Variants in SMAP1 observed in about 807,000 individuals in gnomAD.
SMAP1 encodes stromal membrane-associated protein 1.
Under a neutral mutation model 58.5 loss-of-function variants are expected in SMAP1, and 24 were observed. The ratio of observed to expected loss-of-function variants is 0.41; its 90% CI spans 0.30 to 0.58. The LOEUF is 0.58. SMAP1 is among the 20% of genes least tolerant of loss of function. The pLI is 0.29. For synonymous variants in SMAP1, 216 were observed against 196.6 expected, an observed-to-expected ratio of 1.10 and a Z score of -0.82; for missense variants, 563 against 566.3, an observed-to-expected ratio of 0.99 and a Z score of 0.06.
At chr6:70,676,843 C>T (rs1315927800) in intron 1 of SMAP1, among the ~76,000 whole-genome samples, 7 of 152,130 alleles carry the variant, frequency 4.6e-5, no homozygotes, top group East Asian at 1.9e-4. Context: ...GGTGCAGTGG[C>T]GTGATCATAG....
At chr6:70,687,395 C>T (rs543905633) in intron 1 of SMAP1, among the ~76,000 whole-genome samples, 1 of 152,178 alleles carries the variant, frequency 6.6e-6, no homozygotes, top group Admixed American at 6.5e-5. Context: ...TTTTATTGTA[C>T]CATGTAATTT....
intron 7 of SMAP1, among the ~76,000 whole-genome samples, chr6:70,848,136 A>G (rs185787105): frequency 9.8e-4 from 149 of 152,308 alleles, no homozygotes; most frequent in African/African-American, 3.3e-3. Flanking sequence ...TAGTGGGCCC[A>G]TGATCAAAAG....
intron 4 of SMAP1, among the ~76,000 whole-genome samples, chr6:70,786,096 T>A (rs1189309796): frequency 2.0e-5 from 3 of 152,116 alleles, no homozygotes; most frequent in Non-Finnish European, 4.4e-5. Flanking sequence ...TCAAAAAGCT[T>A]ATCCACCATG....
At chr6:70,800,159 G>C (rs1768782451) in intron 6 of SMAP1, among the ~76,000 whole-genome samples, 1 of 151,938 alleles carries the variant, frequency 6.6e-6, no homozygotes, top group African/African-American at 2.4e-5. Context: ...GTGCACCTCT[G>C]TAGTCCCCAG....
intron 1 of SMAP1, among the ~76,000 whole-genome samples, chr6:70,715,824 T>G (rs1332272428): frequency 6.6e-6 from 1 of 152,198 alleles, no homozygotes; most frequent in Non-Finnish European, 1.5e-5. Context: ...TTGTAAGATT[T>G]TGGTGTGCTG....
chr6:70,699,652 A>G (rs775234365), intron 1 of SMAP1, among the ~76,000 whole-genome samples: 16 of 152,078 alleles, frequency 1.1e-4, no homozygotes, highest in Non-Finnish European at 2.2e-4. Context: ...CCTTTCTTCA[A>G]GTGGTAGTCT....
At chr6:70,705,409 G>A (rs1368085263) in intron 1 of SMAP1, among the ~76,000 whole-genome samples, 2 of 151,912 alleles carry the variant, frequency 1.3e-5, no homozygotes, top group African/African-American at 2.4e-5. Context: ...CTGCCACCAT[G>A]CCTGGCTAAT....
chr6:70,742,670 C>A (rs1765864909), intron 2 of SMAP1, among the ~76,000 whole-genome samples: 1 of 152,196 alleles, frequency 6.6e-6, no homozygotes, highest in South Asian at 2.1e-4. Flanking sequence ...TACAGCAGTG[C>A]CCCACTCCCG....
chr6:70,706,350 G>C lies in SMAP1; in HGVS notation c.119-26028G>C, dbSNP rs556684496. Among the ~76,000 whole-genome samples, 4 of 152,236 alleles carry C rather than the reference G, an allele frequency of 2.6e-5. No individual in the cohort carries two copies. The East Asian group carries it at 7.7e-4, about 29-fold the overall frequency. ...AAATCTTAAGATAAAAATCTTGACT[G>C]GTTAAAACCAGTCAACTAACTTCTT... On this transcript the variant is annotated intron_variant, in intron 1 of 10. Coordinates refer to ENST00000370455, the MANE Select transcript of SMAP1 (RefSeq NM_001044305.3).
chr6:70,752,825 C>G (rs921284940), intron 2 of SMAP1, among the ~76,000 whole-genome samples: 10 of 152,112 alleles, frequency 6.6e-5, no homozygotes, highest in Non-Finnish European at 1.2e-4. Flanking sequence ...AATGATCTCT[C>G]TACATCTGTG....
intron 6 of SMAP1, among the ~76,000 whole-genome samples, chr6:70,821,559 G>A (rs1461847245): frequency 1.3e-5 from 2 of 152,024 alleles, no homozygotes; most frequent in Non-Finnish European, 2.9e-5. Context: ...AATTTAATTA[G>A]CCTGAAAAAA....
rs1380966110 is a variant in SMAP1 at position 70,789,127 on chromosome 6, A to T, written c.415-2562A>T. Reference sequence around the variant, plus strand: ...TCAATATGTTGATTTCTGTTTCTTTATTCGTTGCTCACATAATGTATATTA... The same window carrying T: ...TCAATATGTTGATTTCTGTTTCTTTTTTCGTTGCTCACATAATGTATATTA... On this transcript the variant is annotated intron_variant, in intron 4 of 10. Coordinates refer to ENST00000370455, the MANE Select transcript of SMAP1 (RefSeq NM_001044305.3). Among the ~76,000 whole-genome samples, 4 of 151,720 alleles carry T rather than the reference A, an allele frequency of 2.6e-5. No homozygotes were observed. In the East Asian group the frequency reaches 7.7e-4, roughly 29 times the overall value.
rs1767479314 is a variant in SMAP1, at chr6:70,697,965, C to G, written c.118+29824C>G. Among the ~76,000 whole-genome samples the G allele has an allele frequency of 2.0e-5, 3 of 152,156 alleles. No homozygotes were observed. The South Asian group carries it at 6.2e-4, about 31-fold the overall frequency. ...ACCACAATTACAATGCTACAATATT[C>G]TGCGTTTTTTTGTGTGCTTACTATT... On this transcript the variant is annotated intron_variant, in intron 1 of 10. Coordinates refer to ENST00000370455, the MANE Select transcript of SMAP1 (RefSeq NM_001044305.3).
At chr6:70,721,137 C>A (rs1276365906) in intron 1 of SMAP1, among the ~76,000 whole-genome samples, 1 of 152,122 alleles carries the variant, frequency 6.6e-6, no homozygotes, top group Non-Finnish European at 1.5e-5. Context: ...ATGGGTTTTT[C>A]TTTTCTATCG....
In SMAP1 at chr6:70,736,787, T is replaced by C. The variant is rs535296164; in HGVS notation, c.252+4276T>C. Among the ~76,000 whole-genome samples, 160 of 152,342 alleles carry C rather than the reference T, an allele frequency of 1.1e-3. 2 individuals are homozygous for C. The highest frequency in any genetic ancestry group is 3.8e-3 in the African/African-American group (156 of 41,586). ...TTCTGCTGCTTTCTAGTTTCATTTCTCCGACAAGTCCAAGGCTTTGCCTTA... is the reference window on the plus strand; with the variant it reads ...TTCTGCTGCTTTCTAGTTTCATTTCCCCGACAAGTCCAAGGCTTTGCCTTA... On this transcript the variant is annotated intron_variant, in intron 2 of 10. Coordinates refer to ENST00000370455, the MANE Select transcript of SMAP1 (RefSeq NM_001044305.3).
At chr6:70,673,588 A>G (rs1766355535) in intron 1 of SMAP1, among the ~76,000 whole-genome samples, 1 of 152,270 alleles carries the variant, frequency 6.6e-6, no homozygotes, top group Non-Finnish European at 1.5e-5. Context: ...ACTAAAAAGT[A>G]AAGTTCACCT....
At chr6:70,786,988 C>T (rs1319517486) in intron 4 of SMAP1, among the ~76,000 whole-genome samples, 1 of 152,124 alleles carries the variant, frequency 6.6e-6, no homozygotes, top group Non-Finnish European at 1.5e-5. Context: ...GCCCGCATCG[C>T]CAAGTCAGTC....
Position 70,861,404 on chromosome 6 carries a change from CA to C in SMAP1, c.*1077del, listed in dbSNP as rs758428281. On this transcript the variant is annotated 3_prime_UTR_variant, in exon 11 of 11. Transcript: ENST00000370455. ...GGTATCTTGCAGTATCGGCACTGTA[CA>C]AAAAAATCTTCCAATTTAGTTGTTG... 3 of 461,764 alleles carry C rather than the reference CA, an allele frequency of 6.5e-6. No homozygotes were observed. Among genetic ancestry groups the C allele is most frequent in the Admixed American group, 3.4e-5 (1 of 29,106 alleles). The allele number at this position is 461,764 out of a possible 1,614,324, so 28.6% of individuals were successfully genotyped here. A position where few individuals can be genotyped will look rare whatever the true frequency, so the allele number is the denominator to read the frequency against.
At chr6:70,685,285 C>CTT (rs367665070) in intron 1 of SMAP1, among the ~76,000 whole-genome samples, 3,789 of 146,548 alleles carry the variant, frequency 0.026, 137 homozygotes, top group East Asian at 0.16. Context: ...GTAGTTAATA[C>CTT]TTTTTTTTTT....
Sources: gnomAD v4.1 joint callset for allele counts (sites outside exome capture counted in the v4.1 genomes callset) on GRCh38, gnomAD v4.1.1 for gene constraint, MANE v1.5 for transcripts, NCBI Gene and HGNC (gene_info 2026-07-23, HGNC 2026-07-21) for gene names.